The following SGCD variants were observed in gnomAD, a reference collection of about 807,000 sequenced individuals.
The protein encoded by SGCD is delta-sarcoglycan.
A neutral mutation model predicts 36.6 loss-of-function variants in SGCD; 18 were observed. The observed-to-expected ratio is 0.49, with a 90% CI of 0.34 to 0.73. The LOEUF is 0.73. Among genes scored for constraint, SGCD ranks in the 30% least tolerant of loss-of-function variants. The pLI is 0.01. For missense variants in SGCD, 387 were observed against 346.7 expected (o/e 1.12, Z -0.92); for synonymous variants, 133 against 130.6 (o/e 1.02, Z -0.12).
At chr5:155,906,341 G>C (rs1420138953) in intron 1 of SGCD, among the ~76,000 whole-genome samples, 1 of 152,036 alleles carries the variant, frequency 6.6e-6, no homozygotes, top group Non-Finnish European at 1.5e-5. Flanking sequence ...TGTCCTCTAA[G>C]TATTCAAATG....
the SGCD span, among the ~76,000 whole-genome samples, chr5:155,819,005 G>A: frequency 1.3e-5 from 2 of 152,024 alleles, no homozygotes; most frequent in Admixed American, 6.5e-5. Flanking sequence ...ATATGAGAAA[G>A]AGTAACACAT....
intron 1 of SGCD, among the ~76,000 whole-genome samples, chr5:156,030,425 G>A (rs1344772696): frequency 1.3e-5 from 2 of 152,250 alleles, no homozygotes; most frequent in South Asian, 4.1e-4. Context: ...GATGAGAGTG[G>A]CATGTCTACA....
In SGCD at chr5:156,767,734, T is replaced by G. The variant is rs536691388; in HGVS notation, c.*8344T>G. The G allele has an allele frequency of 2.0e-4, 30 of 152,330 alleles. No homozygotes were observed. Among genetic ancestry groups the G allele is most frequent in the African/African-American group, 6.5e-4 (27 of 41,580 alleles). The allele number at this position is 152,330 out of a possible 1,614,324, so 9.4% of individuals were successfully genotyped here. A position where few individuals can be genotyped will look rare whatever the true frequency, so the allele number is the denominator to read the frequency against. Reference sequence around the variant, plus strand: ...TAAAAAATTTGTATTTAATATTATTTCGACCACAGTCTTGTAAAATATATT... The same window carrying G: ...TAAAAAATTTGTATTTAATATTATTGCGACCACAGTCTTGTAAAATATATT... On this transcript the variant is annotated 3_prime_UTR_variant, in exon 9 of 9. Transcript: ENST00000337851.
At chr5:155,973,711 G>A (rs1461674187) in intron 1 of SGCD, among the ~76,000 whole-genome samples, 3 of 152,188 alleles carry the variant, frequency 2.0e-5, no homozygotes, top group African/African-American at 7.2e-5. Context: ...CTACACACCT[G>A]GCTTTGAATT....
At chr5:156,037,171 T>A (rs1759519795) in intron 1 of SGCD, among the ~76,000 whole-genome samples, 1 of 152,124 alleles carries the variant, frequency 6.6e-6, no homozygotes, top group Non-Finnish European at 1.5e-5. Context: ...TGGAAAAACA[T>A]GTGGAATTGT....
chr5:156,296,855 A>G (rs1327283107), intron 3 of SGCD, among the ~76,000 whole-genome samples: 1 of 151,962 alleles, frequency 6.6e-6, no homozygotes, highest in Non-Finnish European at 1.5e-5. Flanking sequence ...AGAAATGTCT[A>G]CTTCTCCCTT....
the SGCD span, among the ~76,000 whole-genome samples, chr5:155,858,839 C>G: frequency 3.3e-5 from 5 of 152,064 alleles, no homozygotes; most frequent in Admixed American, 2.6e-4. Context: ...GAATCAGGTT[C>G]CCTAGGTGAG....
Position 156,447,532 on chromosome 5 carries a change from G to C in SGCD, c.193-61069G>C, listed in dbSNP as rs1295270151. Among the ~76,000 whole-genome samples, 3 of 152,034 alleles carry C rather than the reference G, an allele frequency of 2.0e-5. 1 individual carries two copies. The highest frequency in any genetic ancestry group is 4.4e-5 in the Non-Finnish European group (3 of 68,018). On this transcript the variant is annotated intron_variant, in intron 3 of 8. Transcript: ENST00000337851. ...ATAAATACCCTATTGGGAAACCTAG[G>C]TGTTTAAAAATCTGATAATGGAAAC...
intron 3 of SGCD, among the ~76,000 whole-genome samples, chr5:156,265,571 G>A (rs1162807248): frequency 6.6e-6 from 1 of 151,184 alleles, no homozygotes; most frequent in African/African-American, 2.4e-5. Flanking sequence ...AAATTTGCCA[G>A]GTAATTAAAT....
intron 3 of SGCD, among the ~76,000 whole-genome samples, chr5:156,305,873 T>C (rs1400274345): frequency 6.6e-6 from 1 of 152,226 alleles, no homozygotes; most frequent in Non-Finnish European, 1.5e-5. Flanking sequence ...AGCTTCAAAA[T>C]TTGACTGCCC....
At chr5:156,194,639 C>A (rs1290455107) in intron 3 of SGCD, among the ~76,000 whole-genome samples, 1 of 151,670 alleles carries the variant, frequency 6.6e-6, no homozygotes, top group Non-Finnish European at 1.5e-5. Flanking sequence ...TAATATAATA[C>A]CTTAAGGTAA....
In SGCD at chr5:155,885,823, C is replaced by T. The variant is rs112528595; in HGVS notation, c.-282+15399C>T. 4.6e-3 allele frequency among the ~76,000 whole-genome samples: 706 copies of T among 152,306 alleles called. 2 individuals are homozygous for T. Among genetic ancestry groups the T allele is most frequent in the Non-Finnish European group, 6.4e-3 (434 of 68,030 alleles). On this transcript the variant is annotated intron_variant, in intron 1 of 9. Transcript: ENST00000517913. ...CAAACATGAATACACAGAAGATCTA[C>T]GTTGATGAAAGAAGAGAGGCCTCAC...
chr5:155,807,486 A>C, the SGCD span, among the ~76,000 whole-genome samples: 1 of 152,374 alleles, frequency 6.6e-6, no homozygotes, highest in East Asian at 1.9e-4. Flanking sequence ...CCAGCCAGTA[A>C]ATTGTGTGTT....
chr5:156,765,613 T>G lies in SGCD; in HGVS notation c.*6223T>G, dbSNP rs886060313. On this transcript the variant is annotated 3_prime_UTR_variant, in exon 9 of 9. Transcript: ENST00000337851. ...TAGCCACTGTGCTAAACATTTTACATACATTCTCCTATTTCATCCTCAAAA... is the reference window on the plus strand; with the variant it reads ...TAGCCACTGTGCTAAACATTTTACAGACATTCTCCTATTTCATCCTCAAAA... 1 of 152,226 alleles carries G rather than the reference T, an allele frequency of 6.6e-6. No individual in the cohort carries two copies. The highest frequency in any genetic ancestry group is 1.5e-5 in the Non-Finnish European group (1 of 68,044). The allele number at this position is 152,226 out of a possible 1,614,324, so 9.4% of individuals were successfully genotyped here. A position where few individuals can be genotyped will look rare whatever the true frequency, so the allele number is the denominator to read the frequency against.
chr5:156,132,381 T>G (rs1331423759), intron 3 of SGCD, among the ~76,000 whole-genome samples: 3 of 151,800 alleles, frequency 2.0e-5, no homozygotes, highest in Non-Finnish European at 2.9e-5. Context: ...GTCTGTTTTC[T>G]TTGGATGTGG....
At chr5:156,551,281 T>C (rs1221618165) in intron 4 of SGCD, among the ~76,000 whole-genome samples, 1 of 152,222 alleles carries the variant, frequency 6.6e-6, no homozygotes, top group Non-Finnish European at 1.5e-5. Flanking sequence ...TCCCAACAAA[T>C]GCCATTTTAT....
chr5:156,038,230 C>T (rs1290861654), intron 1 of SGCD, among the ~76,000 whole-genome samples: 2 of 152,036 alleles, frequency 1.3e-5, no homozygotes, highest in Non-Finnish European at 2.9e-5. Context: ...GATCCTAAGG[C>T]AGGGAGACAT....
At chr5:156,191,911 G>C (rs1013936254) in intron 3 of SGCD, among the ~76,000 whole-genome samples, 2 of 152,128 alleles carry the variant, frequency 1.3e-5, no homozygotes, top group African/African-American at 4.8e-5. Flanking sequence ...TCAGAAAACT[G>C]TTGAAAAGCA....
chr5:156,484,811 ATT>A (rs1032557480), intron 3 of SGCD, among the ~76,000 whole-genome samples: 3 of 152,148 alleles, frequency 2.0e-5, no homozygotes, highest in Non-Finnish European at 4.4e-5. Flanking sequence ...ACACATGGCC[ATT>A]TATGTCACAG....
Sources: allele counts gnomAD v4.1 joint callset (sites outside exome capture counted in the v4.1 genomes callset), GRCh38; gene constraint gnomAD v4.1.1; transcripts MANE v1.5; gene names NCBI Gene and HGNC (gene_info 2026-07-23, HGNC 2026-07-21).